RELN: variants seen among roughly 807,000 people sequenced by gnomAD.
RELN encodes reelin.
Under a neutral mutation model 427.6 loss-of-function variants are expected in RELN, and 108 were observed. The observed-to-expected ratio is 0.25, with a 90% CI of 0.22 to 0.30. The LOEUF (loss-of-function observed/expected upper bound fraction) is 0.30. Ranked by LOEUF, RELN falls within the 10% of genes least tolerant of loss-of-function variation. The pLI is 1.00. For missense variants in RELN, 3,715 were observed against 4,302.8 expected (o/e 0.86, Z 3.82); for synonymous variants, 1,524 against 1,513.4 (o/e 1.01, Z -0.16).
intron 8 of RELN, among the ~76,000 whole-genome samples, chr7:103,711,123 C>A (rs1003918613): frequency 6.6e-6 from 1 of 152,122 alleles, no homozygotes; most frequent in South Asian, 2.1e-4. Flanking sequence ...TACTATAGAA[C>A]ATTTCAGGGA....
intron 1 of RELN, among the ~76,000 whole-genome samples, chr7:103,918,400 AAAG>A (rs1167698767): frequency 6.6e-6 from 1 of 152,136 alleles, no homozygotes; most frequent in African/African-American, 2.4e-5. Context: ...CCAGCATACA[AAAG>A]AAGAATGTGT....
intron 8 of RELN, among the ~76,000 whole-genome samples, chr7:103,711,658 A>G (rs531666103): frequency 6.6e-6 from 1 of 152,226 alleles, no homozygotes; most frequent in Admixed American, 6.5e-5. Context: ...TACACACACA[A>G]AAAAGCTATT....
At chr7:103,894,865 T>C (rs1794924924) in intron 2 of RELN, among the ~76,000 whole-genome samples, 1 of 152,138 alleles carries the variant, frequency 6.6e-6, no homozygotes, top group South Asian at 2.1e-4. Context: ...AAAGTAACAC[T>C]ACATCTTTAA....
chr7:103,506,055 GAAAC>G lies in RELN; in HGVS notation c.8275-2829_8275-2826del, dbSNP rs1269702456. 2.0e-5 allele frequency among the ~76,000 whole-genome samples: 3 copies of G among 152,180 alleles called. No homozygotes were observed. In the South Asian group the frequency reaches 6.2e-4, roughly 32 times the overall value. ...AACATTAGAGAAAAAAGAGTGAAAA[GAAAC>G]AAAGCCTCCAAGAAATATGGGACTA... On this transcript the variant is annotated intron_variant, in intron 51 of 64. Transcript: ENST00000428762.
chr7:103,697,026 A>C (rs1317217890), intron 10 of RELN, among the ~76,000 whole-genome samples: 1 of 152,162 alleles, frequency 6.6e-6, no homozygotes, highest in Non-Finnish European at 1.5e-5. Context: ...TGCACCTTCC[A>C]GCCTCAGTTT....
intron 2 of RELN, among the ~76,000 whole-genome samples, chr7:103,899,488 A>T (rs1795035272): frequency 6.6e-6 from 1 of 152,108 alleles, no homozygotes; most frequent in Non-Finnish European, 1.5e-5. Context: ...AGACACAACA[A>T]AAAAAGAAAA....
chr7:103,675,419 T>C (rs1167241226), intron 11 of RELN, among the ~76,000 whole-genome samples: 1 of 152,180 alleles, frequency 6.6e-6, no homozygotes, highest in Non-Finnish European at 1.5e-5. Context: ...CATTCCATGC[T>C]CATGGATAGG....
intron 15 of RELN, 152 bp from the exon 16 acceptor site, chr7:103,650,535 G>T (rs1036018302): frequency 2.0e-5 from 14 of 710,014 alleles, no homozygotes; most frequent in Non-Finnish European, 3.7e-5. Context: ...GAATTTGTTT[G>T]TATCTTTAAA....
At chr7:103,512,126 A>G (rs34079239) in intron 50 of RELN, among the ~76,000 whole-genome samples, 22,123 of 151,454 alleles carry the variant, frequency 0.15, 1,707 homozygotes, top group East Asian at 0.27. Flanking sequence ...TTTCTTTTGC[A>G]TGACAGAAAC....
At chr7:103,633,661 T>C (rs1832518145) in intron 19 of RELN, among the ~76,000 whole-genome samples, 1 of 152,114 alleles carries the variant, frequency 6.6e-6, no homozygotes, top group African/African-American at 2.4e-5. Context: ...GCCTTTGCAA[T>C]AGCACATTAA....
intron 3 of RELN, among the ~76,000 whole-genome samples, chr7:103,814,033 T>A (rs910921232): frequency 2.0e-5 from 3 of 152,210 alleles, no homozygotes; most frequent in Non-Finnish European, 4.4e-5. Flanking sequence ...ATAGTAGTAA[T>A]CAACTTTGTG....
At chr7:103,745,836 ACTGCCCAAG>A (rs1248066939) in intron 6 of RELN, among the ~76,000 whole-genome samples, 1 of 152,200 alleles carries the variant, frequency 6.6e-6, no homozygotes, top group Admixed American at 6.5e-5. Flanking sequence ...AAATGGCCAT[ACTGCCCAAG>A]GTAATTTATA....
At chr7:103,831,121 A>T (rs1275071788) in intron 3 of RELN, among the ~76,000 whole-genome samples, 1 of 152,116 alleles carries the variant, frequency 6.6e-6, no homozygotes, top group Non-Finnish European at 1.5e-5. Flanking sequence ...TCAATTAAAA[A>T]CATATCTGTT....
chr7:103,474,173 T>G (rs59487746), intron 64 of RELN, among the ~76,000 whole-genome samples: 3,474 of 152,138 alleles, frequency 0.023, 81 homozygotes, highest in Middle Eastern at 0.054. Context: ...AATTTCACAG[T>G]TTCATCATTA....
intron 3 of RELN, among the ~76,000 whole-genome samples, chr7:103,780,725 C>G (rs1584487687): frequency 6.6e-6 from 1 of 152,110 alleles, no homozygotes. Context: ...TATGAAGGAC[C>G]TGATCTCATT....
chr7:103,575,736 G>A, intron 28 of RELN, 31 bp from the exon 29 acceptor site: 1 of 1,612,494 alleles, frequency 6.2e-7, no homozygotes, highest in Non-Finnish European at 8.5e-7. Context: ...CCTGTTTCTT[G>A]TACCAACATC....
chr7:103,525,709 T>TA (rs916031797), intron 46 of RELN, among the ~76,000 whole-genome samples: 1 of 150,780 alleles, frequency 6.6e-6, no homozygotes, highest in African/African-American at 2.5e-5. Flanking sequence ...TTTTTTTTTT[T>TA]AGACTATAAG....
At chr7:103,862,122 G>A (rs187952082) in intron 2 of RELN, among the ~76,000 whole-genome samples, 19 of 152,236 alleles carry the variant, frequency 1.2e-4, no homozygotes, top group South Asian at 2.1e-4. Flanking sequence ...TAGGAAATCC[G>A]AGGAGAGTGA....
At chr7:103,670,368 G>A (rs757180265) in intron 11 of RELN, among the ~76,000 whole-genome samples, 2 of 151,994 alleles carry the variant, frequency 1.3e-5, no homozygotes, top group African/African-American at 2.4e-5. Flanking sequence ...ACACAAGAAC[G>A]TTTACTACAA....
Sources: gnomAD v4.1 joint callset for allele counts (sites outside exome capture counted in the v4.1 genomes callset) on GRCh38, gnomAD v4.1.1 for gene constraint, MANE v1.5 for transcripts, NCBI Gene and HGNC (gene_info 2026-07-23, HGNC 2026-07-21) for gene names.